EDARADD: variants seen among roughly 807,000 people sequenced by gnomAD.
The protein encoded by EDARADD is ectodysplasin-A receptor-associated adapter protein.
A neutral mutation model predicts 25.6 loss-of-function variants in EDARADD; 20 were observed. The ratio of observed to expected loss-of-function variants is 0.78; its 90% CI spans 0.55 to 1.14. The LOEUF (loss-of-function observed/expected upper bound fraction) is 1.14, where lower values mean the gene tolerates loss of function less well. EDARADD is among the 50% of genes most tolerant of loss of function. EDARADD has a pLI of 0.00. For synonymous variants in EDARADD, 86 were observed against 94.4 expected, an observed-to-expected ratio of 0.91 and a Z score of 0.52; for missense variants, 225 against 270.1, an observed-to-expected ratio of 0.83 and a Z score of 1.17.
chr1:236,381,963 T>G (rs1207573693), intron 3 of EDARADD, among the ~76,000 whole-genome samples: 1 of 152,098 alleles, frequency 6.6e-6, no homozygotes, highest in Non-Finnish European at 1.5e-5. Context: ...TAAAATTTTA[T>G]CTTATCCATG....
chr1:236,349,726 A>T (rs938365431), intron 2 of EDARADD, among the ~76,000 whole-genome samples: 9 of 151,652 alleles, frequency 5.9e-5, no homozygotes, highest in African/African-American at 2.2e-4. Flanking sequence ...AGGTTGTAAA[A>T]TGTTTCTTAT....
chr1:236,454,204 C>A (rs904723591), intron 4 of EDARADD, among the ~76,000 whole-genome samples: 2 of 152,130 alleles, frequency 1.3e-5, no homozygotes, highest in Non-Finnish European at 2.9e-5. Flanking sequence ...TGCTACCACA[C>A]CTGGCTAACT....
At chr1:236,405,886 T>A (rs370103479) in intron 1 of EDARADD, among the ~76,000 whole-genome samples, 1 of 32,332 alleles carries the variant, frequency 3.1e-5, no homozygotes, top group South Asian at 1.1e-3. Flanking sequence ...TCTTTCTTTC[T>A]TTCTTTCTTT....
At chr1:236,436,455 C>T (rs1466697561) in intron 4 of EDARADD, among the ~76,000 whole-genome samples, 3 of 151,908 alleles carry the variant, frequency 2.0e-5, no homozygotes, top group Non-Finnish European at 4.4e-5. Context: ...AGCCACTGCA[C>T]CCAGCCAAAA....
chr1:236,471,878 G>A (rs939727045), intron 5 of EDARADD, among the ~76,000 whole-genome samples: 1 of 152,236 alleles, frequency 6.6e-6, no homozygotes, highest in East Asian at 1.9e-4. Flanking sequence ...GACTGGAGCC[G>A]TTTCTACGCC....
intron 4 of EDARADD, among the ~76,000 whole-genome samples, chr1:236,447,659 G>A (rs1403215291): frequency 2.6e-5 from 4 of 152,112 alleles, no homozygotes; most frequent in African/African-American, 7.2e-5. Flanking sequence ...ACATTAGGCA[G>A]TAATGAGAAT....
At chr1:236,481,280 A>G (rs1463413933) in intron 5 of EDARADD, among the ~76,000 whole-genome samples, 5 of 152,152 alleles carry the variant, frequency 3.3e-5, no homozygotes, top group Non-Finnish European at 7.3e-5. Flanking sequence ...GGTGCATGCA[A>G]GTGTCGGCTG....
intron 5 of EDARADD, among the ~76,000 whole-genome samples, chr1:236,478,687 C>T (rs147492512): frequency 0.047 from 7,106 of 152,094 alleles, 211 homozygotes; most frequent in African/African-American, 0.069. Flanking sequence ...CCCGAGTTGA[C>T]GCCATTCTCC....
chr1:236,453,630 A>G (rs1658772813), intron 4 of EDARADD, among the ~76,000 whole-genome samples: 1 of 151,992 alleles, frequency 6.6e-6, no homozygotes, highest in South Asian at 2.1e-4. Flanking sequence ...ATATGTATTT[A>G]CCATTGTGTT....
At chr1:236,373,636 A>T in intron 3 of EDARADD, among the ~76,000 whole-genome samples, 1 of 151,226 alleles carries the variant, frequency 6.6e-6, no homozygotes, top group Non-Finnish European at 1.5e-5. Flanking sequence ...TTTTCTATTG[A>T]TTTTCTGTTT....
At chr1:236,438,969 C>T (rs917517028) in intron 4 of EDARADD, among the ~76,000 whole-genome samples, 1 of 152,304 alleles carries the variant, frequency 6.6e-6, no homozygotes, top group South Asian at 2.1e-4. Context: ...AGAGGAGTTT[C>T]GCTGCCCTAA....
chr1:236,464,231 C>A (rs1244281064), intron 4 of EDARADD, among the ~76,000 whole-genome samples: 1 of 150,946 alleles, frequency 6.6e-6, no homozygotes, highest in East Asian at 2.0e-4. Flanking sequence ...TGCTCAGAGC[C>A]CATCACCTTT....
intron 3 of EDARADD, among the ~76,000 whole-genome samples, chr1:236,372,543 T>C (rs1667184298): frequency 6.6e-6 from 1 of 152,202 alleles, no homozygotes; most frequent in Admixed American, 6.5e-5. Flanking sequence ...CTTGTAACAC[T>C]TTTGTCTGGT....
chr1:236,482,528 T>C lies in EDARADD; in HGVS notation c.527T>C (p.Val176Ala), dbSNP rs758511689. The C allele has an allele frequency of 6.2e-7, 1 of 1,613,128 alleles. No homozygotes were observed. Among genetic ancestry groups the C allele is most frequent in the African/African-American group, 1.3e-5 (1 of 75,022 alleles). The change falls in exon 6 of 6, where the codon GTG becomes GCG. Residue 176 changes from valine to alanine, a missense_variant. Physicochemically the swap from Val to Ala is moderately conservative, Grantham distance 64. Transcript: ENST00000334232. ...EFLLRNSQRT[V>A]GQLMELCRLY... The stretch of plus-strand genomic sequence containing the variant: ...TTGCTCCGGAACAGTCAGAGGACGG[T>C]GGGCCAGCTGATGGAGCTCTGCAGG...
intron 3 of EDARADD, among the ~76,000 whole-genome samples, chr1:236,372,116 C>G (rs1667179647): frequency 6.6e-6 from 1 of 151,292 alleles, no homozygotes; most frequent in South Asian, 2.1e-4. Flanking sequence ...GCCATCACAC[C>G]TGGCTAATTT....
chr1:236,453,478 A>C (rs1658768413), intron 4 of EDARADD, among the ~76,000 whole-genome samples: 1 of 152,046 alleles, frequency 6.6e-6, no homozygotes, highest in African/African-American at 2.4e-5. Flanking sequence ...GGGTTTCGAC[A>C]CATTGGCTGG....
intron 2 of EDARADD, 134 bp from the exon 3 acceptor site, chr1:236,414,126 C>T (rs751880719): frequency 6.6e-6 from 5 of 752,682 alleles, no homozygotes; most frequent in African/African-American, 1.7e-5. Flanking sequence ...TGGATAAGGC[C>T]AGTTGATAAG....
At position 236,483,334 on chromosome 1, in the gene EDARADD, A is replaced by G; in HGVS notation, c.*685A>G. The stretch of plus-strand genomic sequence containing the variant: ...CTCCAGGACAATGATAAGACTCGCT[A>G]TATGGGGAAGGGTGTCTCAAAGCCT... On this transcript the variant is annotated 3_prime_UTR_variant, in exon 6 of 6. Transcript: ENST00000334232. 1.3e-6 allele frequency: 2 copies of G among 1,590,976 alleles called. No individual in the cohort carries two copies. Among genetic ancestry groups the G allele is most frequent in the East Asian group, 4.5e-5 (2 of 44,690 alleles).
rs199965336 is a variant in EDARADD at position 236,482,430 on chromosome 1, A to G, written c.429A>G (p.Ala143=). The G allele has an allele frequency of 5.0e-6, 8 of 1,614,100 alleles. No homozygotes were observed. In the African/African-American group the frequency reaches 5.3e-5, roughly 11 times the overall value. Residue 143 remains alanine, a synonymous_variant, in exon 6 of 6, where the codon GCA becomes GCG. Transcript: ENST00000334232. ...HPTVKNWRNF[A]SKWGMSYDEL... ...CGGTGAAAAACTGGAGGAATTTTGC[A>G]AGCAAATGGGGGATGTCCTATGACG...
Sources: gnomAD v4.1 joint callset for allele counts (sites outside exome capture counted in the v4.1 genomes callset) on GRCh38, gnomAD v4.1.1 for gene constraint, MANE v1.5 for transcripts, NCBI Gene and HGNC (gene_info 2026-07-23, HGNC 2026-07-21) for gene names.